Variants in DLG1 observed in about 807,000 individuals in gnomAD.
The protein encoded by DLG1 is disks large homolog 1.
In DLG1, 42 loss-of-function variants were observed where a neutral mutation model predicts 123.4. That is an observed-to-expected ratio of 0.34 (90% CI 0.27 to 0.44). The LOEUF (loss-of-function observed/expected upper bound fraction) is 0.44, where lower values mean the gene tolerates loss of function less well. DLG1 is among the 20% of genes least tolerant of loss of function. DLG1 has a pLI of 1.00. For missense variants in DLG1, 942 were observed against 1,082.6 expected (o/e 0.87, Z 1.82); for synonymous variants, 317 against 356.2 (o/e 0.89, Z 1.24).
At chr3:197,171,460 C>G (rs1401483349) in intron 5 of DLG1, among the ~76,000 whole-genome samples, 2 of 152,216 alleles carry the variant, frequency 1.3e-5, no homozygotes, top group South Asian at 4.1e-4. Context: ...AATTATAAAA[C>G]TAAACACATT....
chr3:197,078,138 C>T (rs148020257), intron 17 of DLG1, among the ~76,000 whole-genome samples: 2 of 109,418 alleles, frequency 1.8e-5, no homozygotes, highest in Non-Finnish European at 3.9e-5. Flanking sequence ...ATGGCGAAAC[C>T]CCATCTCAAA....
chr3:197,066,661 T>C, intron 20 of DLG1, 43 bp downstream of exon 20: 2 of 1,452,658 alleles, frequency 1.4e-6, no homozygotes, highest in Non-Finnish European at 9.4e-7. Context: ...TTAAAAAGTA[T>C]ATTCTTCTAG....
At chr3:197,265,932 C>T (rs1205058251) in intron 4 of DLG1, among the ~76,000 whole-genome samples, 1 of 152,146 alleles carries the variant, frequency 6.6e-6, no homozygotes, top group Non-Finnish European at 1.5e-5. Context: ...TGCCTGTAAT[C>T]CCAGCTACTC....
At chr3:197,072,713 A>C (rs1008997667) in intron 18 of DLG1, among the ~76,000 whole-genome samples, 23 of 151,316 alleles carry the variant, frequency 1.5e-4, no homozygotes, top group East Asian at 7.7e-4. Flanking sequence ...CAAAAAAAAA[A>C]CCTGAGTCTT....
At chr3:197,297,513 C>A in intron 1 of DLG1, 4 of 1,215,194 alleles carry the variant, frequency 3.3e-6, no homozygotes, top group Non-Finnish European at 4.1e-6. Context: ...GAGGCCGCCT[C>A]TTCCCCCGCA....
chr3:197,183,655 G>A (rs1238889894), intron 5 of DLG1: 3 of 1,550,542 alleles, frequency 1.9e-6, no homozygotes, highest in Non-Finnish European at 2.6e-6. Context: ...TGCTGCCAGC[G>A]TGAAGGTTCT....
intron 13 of DLG1, among the ~76,000 whole-genome samples, chr3:197,108,782 C>T (rs1768096110): frequency 6.6e-6 from 1 of 152,106 alleles, no homozygotes; most frequent in Admixed American, 6.5e-5. Flanking sequence ...CTTGTAGACC[C>T]TGTGTAGTTG....
At position 197,217,099 on chromosome 3, in the gene DLG1, A is replaced by C. The variant is rs1734486713; in HGVS notation, c.319-22510T>G. Among the ~76,000 whole-genome samples the C allele has an allele frequency of 2.0e-5, 3 of 152,342 alleles. No homozygotes were observed. The South Asian group carries it at 6.2e-4, about 32-fold the overall frequency. ...TTCATCCACTTAGTCATTAAACAGG[A>C]CTTAATCATGCAATTTTTTGTGACA... On this transcript the variant is annotated intron_variant, in intron 4 of 24. Coordinates refer to ENST00000667157, the MANE Select transcript of DLG1 (RefSeq NM_001366207.1).
intron 12 of DLG1, among the ~76,000 whole-genome samples, chr3:197,118,357 GAT>G (rs1371308435): frequency 1.3e-5 from 2 of 152,120 alleles, no homozygotes; most frequent in Non-Finnish European, 2.9e-5. Flanking sequence ...AGCAGCCTTG[GAT>G]ATTCCCATCA....
chr3:197,048,957 A>C (rs372922629), intron 24 of DLG1, among the ~76,000 whole-genome samples: 4 of 152,260 alleles, frequency 2.6e-5, no homozygotes, highest in South Asian at 4.1e-4. Context: ...GTGCCCAGCC[A>C]CCTCAAAAAA....
At chr3:197,291,792 C>T (rs1184962215) in intron 3 of DLG1, among the ~76,000 whole-genome samples, 1 of 152,120 alleles carries the variant, frequency 6.6e-6, no homozygotes, top group African/African-American at 2.4e-5. Flanking sequence ...AGTACAAACA[C>T]CTCATACAGG....
rs372542967 is a variant in DLG1 at position 197,218,105 on chromosome 3, G to A, written c.319-23516C>T. 8.5e-5 allele frequency among the ~76,000 whole-genome samples: 13 copies of A among 152,226 alleles called. No individual in the cohort carries two copies. In the East Asian group the frequency reaches 9.6e-4, roughly 11 times the overall value. On this transcript the variant is annotated intron_variant, in intron 4 of 24. Transcript: ENST00000667157. ...AAAGAACAGCAATGTAAGATAAAAA[G>A]TGACAAAGAATGATGAACAATCTTC...
rs1578353348 is a variant in DLG1, at chr3:197,228,102, G to C, written c.319-33513C>G. On this transcript the variant is annotated intron_variant, in intron 4 of 24. Transcript: ENST00000667157. The stretch of plus-strand genomic sequence containing the variant: ...TTACAAATTTTAATTTTAAAAACCT[G>C]GAAGCACAAATGTGTAACAAGTTTT... Among the ~76,000 whole-genome samples the C allele has an allele frequency of 2.0e-5, 3 of 152,152 alleles. 1 individual carries two copies. The highest frequency in any genetic ancestry group is 2.0e-4 in the Admixed American group (3 of 15,294).
chr3:197,182,246 GAT>G (rs1712662840), intron 5 of DLG1, among the ~76,000 whole-genome samples: 1 of 152,058 alleles, frequency 6.6e-6, no homozygotes, highest in South Asian at 2.1e-4. Flanking sequence ...ATCCTTTCGT[GAT>G]ATATGTAATT....
At chr3:197,085,512 A>T (rs748260825) in intron 16 of DLG1, 68 bp downstream of exon 16, 31 of 1,516,548 alleles carry the variant, frequency 2.0e-5, no homozygotes, top group Non-Finnish European at 2.7e-5. Flanking sequence ...GTCACAAATT[A>T]AAAAAAATTT....
chr3:197,255,438 C>G (rs964839956), intron 4 of DLG1, among the ~76,000 whole-genome samples: 1 of 152,174 alleles, frequency 6.6e-6, no homozygotes, highest in Non-Finnish European at 1.5e-5. Context: ...GTCATTGATT[C>G]CTGCCTCCTG....
intron 4 of DLG1, among the ~76,000 whole-genome samples, chr3:197,195,499 T>A (rs1012167070): frequency 3.3e-5 from 5 of 152,036 alleles, no homozygotes; most frequent in African/African-American, 1.2e-4. Flanking sequence ...AATGGTGGAA[T>A]GGATAAAGAA....
intron 13 of DLG1, among the ~76,000 whole-genome samples, chr3:197,106,853 A>T (rs190880211): frequency 6.6e-6 from 1 of 152,226 alleles, no homozygotes; most frequent in Non-Finnish European, 1.5e-5. Flanking sequence ...TTACACCGAC[A>T]TTTTTAAAAA....
intron 4 of DLG1, among the ~76,000 whole-genome samples, chr3:197,208,819 AAG>A: frequency 6.8e-6 from 1 of 146,108 alleles, no homozygotes; most frequent in Non-Finnish European, 1.5e-5. Context: ...CCCTGGGGGA[AAG>A]AGGCAAGAGG....
Sources: allele counts gnomAD v4.1 joint callset (sites outside exome capture counted in the v4.1 genomes callset), GRCh38; gene constraint gnomAD v4.1.1; transcripts MANE v1.5; gene names NCBI Gene and HGNC (gene_info 2026-07-23, HGNC 2026-07-21).